Variants in RNFT2 observed in about 807,000 individuals in gnomAD.
The protein encoded by RNFT2 is E3 ubiquitin-protein ligase RNFT2.
A neutral mutation model predicts 53.0 loss-of-function variants in RNFT2; 36 were observed. That is an observed-to-expected ratio of 0.68 (90% CI 0.52 to 0.90). The LOEUF (loss-of-function observed/expected upper bound fraction) is 0.90. Ranked by LOEUF, RNFT2 falls within the 40% of genes least tolerant of loss-of-function variation. The pLI is 0.00. For missense variants in RNFT2, 514 were observed against 585.6 expected, an observed-to-expected ratio of 0.88 and a Z score of 1.26; for synonymous variants, 260 against 253.2, an observed-to-expected ratio of 1.03 and a Z score of -0.26.
At chr12:116,755,377 T>C in intron 5 of RNFT2, 1 of 783,652 alleles carries the variant, frequency 1.3e-6, no homozygotes, top group Non-Finnish European at 2.2e-6. Context: ...TTTTTTTTTT[T>C]TTTTTTAACA....
At chr12:116,743,020 G>A (rs1871684079) in intron 3 of RNFT2, among the ~76,000 whole-genome samples, 2 of 147,050 alleles carry the variant, frequency 1.4e-5, no homozygotes, top group African/African-American at 5.1e-5. Flanking sequence ...GGTGGAGGTT[G>A]CAGTGAGCTA....
At chr12:116,832,148 A>AAAAAATATATATAT (rs1555209702) in intron 7 of RNFT2, among the ~76,000 whole-genome samples, 6 of 55,170 alleles carry the variant, frequency 1.1e-4, no homozygotes, top group African/African-American at 3.5e-4. Context: ...AAAAAAAAAA[A>AAAAAATATATATAT]ATATATATAT....
intron 10 of RNFT2, 45 bp from the exon 11 acceptor site, chr12:116,849,269 C>T (rs994947880): frequency 3.3e-5 from 48 of 1,458,498 alleles, no homozygotes; most frequent in African/African-American, 2.7e-4. Context: ...CCGAGGCAGA[C>T]GCTCAGTAAA....
chr12:116,840,328 A>G (rs151159612), intron 10 of RNFT2, among the ~76,000 whole-genome samples: 428 of 152,326 alleles, frequency 2.8e-3, no homozygotes, highest in African/African-American at 8.6e-3. Context: ...TCAGGCTCAG[A>G]AAAACAAAGG....
chr12:116,798,161 A>C (rs1031610431), intron 7 of RNFT2, among the ~76,000 whole-genome samples: 3 of 152,070 alleles, frequency 2.0e-5, no homozygotes, highest in Non-Finnish European at 4.4e-5. Flanking sequence ...GTGAGGACAC[A>C]GAGAAAATAG....
intron 7 of RNFT2, among the ~76,000 whole-genome samples, chr12:116,803,447 T>C (rs1453428965): frequency 6.6e-6 from 1 of 152,214 alleles, no homozygotes; most frequent in African/African-American, 2.4e-5. Flanking sequence ...ATTGAACCTT[T>C]TCCATGCTTG....
In RNFT2 at chr12:116,851,901, G is replaced by A. The variant is rs1440730502; in HGVS notation, c.*2453G>A. ...TGTCATCTCCCTCACTTAAGTCTCA[G>A]GCCTGTCAGCAGCTCCTGTGGACAT... On this transcript the variant is annotated 3_prime_UTR_variant, in exon 11 of 11. Transcript: ENST00000257575. 1 of 1,536,154 alleles carries A rather than the reference G, an allele frequency of 6.5e-7. No individual in the cohort carries two copies. Among genetic ancestry groups the A allele is most frequent in the Non-Finnish European group, 8.7e-7 (1 of 1,146,856 alleles).
At chr12:116,743,614 C>T (rs1871752884) in intron 3 of RNFT2, among the ~76,000 whole-genome samples, 1 of 152,084 alleles carries the variant, frequency 6.6e-6, no homozygotes, top group South Asian at 2.1e-4. Context: ...ACCTGGGGGC[C>T]TGTTCTCAGA....
intron 7 of RNFT2, among the ~76,000 whole-genome samples, chr12:116,807,154 G>A (rs1008121864): frequency 4.6e-5 from 7 of 152,054 alleles, no homozygotes; most frequent in African/African-American, 9.7e-5. Flanking sequence ...AAGGAATATC[G>A]GGAGGCACTA....
intron 7 of RNFT2, among the ~76,000 whole-genome samples, chr12:116,810,141 C>T (rs908999373): frequency 2.6e-5 from 4 of 152,166 alleles, no homozygotes; most frequent in Non-Finnish European, 4.4e-5. Flanking sequence ...AGGAGTTTCA[C>T]GCTGAAAGCT....
chr12:116,770,218 A>G (rs563624570), intron 6 of RNFT2, among the ~76,000 whole-genome samples: 5 of 152,102 alleles, frequency 3.3e-5, no homozygotes, highest in African/African-American at 1.2e-4. Context: ...ATCTTTTTTC[A>G]TCCTTTATAC....
At chr12:116,769,488 T>C (rs926395206) in intron 6 of RNFT2, among the ~76,000 whole-genome samples, 1 of 152,206 alleles carries the variant, frequency 6.6e-6, no homozygotes, top group Non-Finnish European at 1.5e-5. Flanking sequence ...GACAGTGATA[T>C]TGATGATTCT....
At chr12:116,747,118 G>T (rs769657266) in intron 3 of RNFT2, among the ~76,000 whole-genome samples, 3 of 152,140 alleles carry the variant, frequency 2.0e-5, no homozygotes, top group Non-Finnish European at 4.4e-5. Context: ...GTGCAGTGGC[G>T]TGATCTTAAC....
At chr12:116,838,106 T>C (rs180773456) in intron 10 of RNFT2, among the ~76,000 whole-genome samples, 177 of 152,330 alleles carry the variant, frequency 1.2e-3, no homozygotes, top group African/African-American at 4.0e-3. Context: ...TCTTAGAGAT[T>C]GCTCCTTATC....
intron 2 of RNFT2, 21 bp downstream of exon 2, chr12:116,740,542 T>C (rs1871558172): frequency 6.4e-7 from 1 of 1,560,464 alleles, no homozygotes; most frequent in Non-Finnish European, 8.7e-7. Context: ...TCCAAGAGAA[T>C]TTGCATCTTT....
At chr12:116,743,433 AT>A (rs1441105624) in intron 3 of RNFT2, among the ~76,000 whole-genome samples, 2 of 151,610 alleles carry the variant, frequency 1.3e-5, no homozygotes, top group Non-Finnish European at 1.5e-5. Flanking sequence ...CGTTTGGCTA[AT>A]TTTTTTGTAT....
chr12:116,849,861 TA>T lies in RNFT2; in HGVS notation c.*417del, dbSNP rs1877827358. The T allele has an allele frequency of 4.2e-6, 1 of 238,840 alleles. No individual in the cohort carries two copies. Among genetic ancestry groups the T allele is most frequent in the Non-Finnish European group, 6.5e-6 (1 of 152,900 alleles). The allele number at this position is 238,840 out of a possible 1,614,324, so 14.8% of individuals were successfully genotyped here. The stretch of plus-strand genomic sequence containing the variant: ...CCTTCCTTCCTTTTTTTTTTTTTTT[TA>T]AAACAAGGTCTCGCTCTATCACCCA... On this transcript the variant is annotated 3_prime_UTR_variant, in exon 11 of 11. Transcript: ENST00000257575.
intron 10 of RNFT2, among the ~76,000 whole-genome samples, chr12:116,840,282 C>T (rs955863422): frequency 1.3e-5 from 2 of 152,112 alleles, no homozygotes; most frequent in African/African-American, 2.4e-5. Flanking sequence ...ACACTTCGGG[C>T]GGGAAGTAGT....
At chr12:116,776,724 T>G (rs979658140) in intron 6 of RNFT2, among the ~76,000 whole-genome samples, 1 of 152,100 alleles carries the variant, frequency 6.6e-6, no homozygotes, top group Non-Finnish European at 1.5e-5. Flanking sequence ...TGAGTGTACT[T>G]CTCCCTGCTT....
Sources: gnomAD v4.1 joint callset for allele counts (sites outside exome capture counted in the v4.1 genomes callset) on GRCh38, gnomAD v4.1.1 for gene constraint, MANE v1.5 for transcripts, NCBI Gene and HGNC (gene_info 2026-07-23, HGNC 2026-07-21) for gene names.